Variants in COX4I2 observed in about 807,000 individuals in gnomAD.
COX4I2 encodes cytochrome c oxidase subunit 4 isoform 2, mitochondrial.
A neutral mutation model predicts 20.8 loss-of-function variants in COX4I2; 15 were observed. The observed-to-expected ratio is 0.72, with a 90% CI of 0.48 to 1.11. COX4I2 has a LOEUF of 1.11. COX4I2 is among the 50% of genes most tolerant of loss of function. The probability of loss-of-function intolerance (pLI) is 0.00; values close to 1 mark genes in which losing one functional copy is unlikely to be tolerated. For synonymous variants in COX4I2, 80 were observed against 78.1 expected, an observed-to-expected ratio of 1.02 and a Z score of -0.13; for missense variants, 224 against 223.0, an observed-to-expected ratio of 1.00 and a Z score of -0.03.
intron 3 of COX4I2, among the ~76,000 whole-genome samples, chr20:31,641,379 A>AAG (rs1401230472): frequency 4.6e-5 from 7 of 151,352 alleles, no homozygotes; most frequent in African/African-American, 1.7e-4. Flanking sequence ...AAAAAAAAAA[A>AAG]AGAGAGAGAG....
At chr20:31,644,710 C>A in intron 4 of COX4I2, 58 bp from the exon 5 acceptor site, 3 of 1,608,732 alleles carry the variant, frequency 1.9e-6, no homozygotes, top group Non-Finnish European at 1.7e-6. Context: ...TGGCTGGAGA[C>A]CCTGGCTGGT....
Position 31,642,565 on chromosome 20 carries a change from G to A in COX4I2, c.248-839G>A, listed in dbSNP as rs938160538. Among the ~76,000 whole-genome samples, 10 of 149,464 alleles carry A rather than the reference G, an allele frequency of 6.7e-5. No homozygotes were observed. In the East Asian group the frequency reaches 7.9e-4, roughly 12 times the overall value. On this transcript the variant is annotated intron_variant, in intron 3 of 4. Coordinates refer to ENST00000376075, the MANE Select transcript of COX4I2 (RefSeq NM_032609.3). Reference sequence around the variant, plus strand: ...CGCCATTCTCCTGCCTCAGCCTCTCGAGTAGCTGGGACTACAGGTGCCCGC... The same window carrying A: ...CGCCATTCTCCTGCCTCAGCCTCTCAAGTAGCTGGGACTACAGGTGCCCGC...
intron 3 of COX4I2, among the ~76,000 whole-genome samples, chr20:31,642,954 C>T (rs2060476696): frequency 1.3e-5 from 2 of 152,190 alleles, no homozygotes; most frequent in East Asian, 3.9e-4. Context: ...TGTGAACCGG[C>T]TCTGCCTCTC....
At chr20:31,638,675 G>T (rs1025526175) in intron 1 of COX4I2, among the ~76,000 whole-genome samples, 1 of 152,008 alleles carries the variant, frequency 6.6e-6, no homozygotes, top group Admixed American at 6.6e-5. Context: ...ACAAGTGAGC[G>T]GGGTTCTCCA....
At chr20:31,640,590 A>C (rs1430861584) in intron 3 of COX4I2, among the ~76,000 whole-genome samples, 1 of 151,894 alleles carries the variant, frequency 6.6e-6, no homozygotes, top group Non-Finnish European at 1.5e-5. Flanking sequence ...GGGAGATGGG[A>C]CAGAGAGAGG....
intron 4 of COX4I2, 43 bp downstream of exon 4, chr20:31,643,578 C>T: frequency 3.1e-6 from 5 of 1,612,512 alleles, no homozygotes; most frequent in African/African-American, 2.7e-5. Context: ...TGGGCCATGC[C>T]CTTGTGGTCA....
chr20:31,642,375 GATATTTATTTTC>G (rs2060472979), intron 3 of COX4I2, among the ~76,000 whole-genome samples: 1 of 149,450 alleles, frequency 6.7e-6, no homozygotes, highest in African/African-American at 2.5e-5. Flanking sequence ...TTTTCCTTTA[GATATTTATTTTC>G]ATATTTATTT....
chr20:31,639,954 C>T lies in COX4I2; in HGVS notation c.104C>T (p.Ser35Phe), dbSNP rs1277133437. Reference protein sequence around the residue: ...EGTTRGGGKMSPYTNCYAQRY... With the variant: ...EGTTRGGGKMFPYTNCYAQRY... ...GCAGCCCGTGGTGGGGGGAAGATGT[C>T]CCCCTACACCAACTGCTATGCCCAG... is the stretch of plus-strand genomic sequence containing the variant. Residue 35 changes from serine to phenylalanine, a missense_variant, in exon 3 of 5, where the codon TCC (serine) becomes TTC (phenylalanine). Transcript: ENST00000376075. 6.2e-7 allele frequency: 1 copy of T among 1,614,078 alleles called. No homozygotes were observed. The highest frequency in any genetic ancestry group is 1.1e-5 in the South Asian group (1 of 91,084).
chr20:31,644,875 G>A lies in COX4I2; in HGVS notation c.487G>A (p.Asp163Asn), dbSNP rs749496912. The change falls in exon 5 of 5, where the codon GAC becomes AAC. Residue 163 changes from aspartate to asparagine, a missense_variant. Transcript: ENST00000376075. ...TGTGCAGGGCCTGGCCTCCCGCTGG[G>A]ACTATGAGAAGAAGCAGTGGAAGAA... The part of the protein sequence containing the change: ...NPVQGLASRW[D>N]YEKKQWKK 4 of 1,614,054 alleles carry A rather than the reference G, an allele frequency of 2.5e-6. No individual in the cohort carries two copies. The highest frequency in any genetic ancestry group is 1.3e-5 in the African/African-American group (1 of 75,038).
At chr20:31,638,633 C>T (rs6120953) in intron 1 of COX4I2, among the ~76,000 whole-genome samples, 1 of 152,100 alleles carries the variant, frequency 6.6e-6, no homozygotes, top group Non-Finnish European at 1.5e-5. Context: ...CCCTCTCCAC[C>T]TGGACCCCAC....
intron 3 of COX4I2, among the ~76,000 whole-genome samples, chr20:31,642,890 A>G (rs1265422114): frequency 1.3e-5 from 2 of 152,032 alleles, no homozygotes; most frequent in East Asian, 3.9e-4. Flanking sequence ...CCCCCTCCCT[A>G]ATTCTGTTAG....
chr20:31,643,599 A>G, intron 4 of COX4I2, 64 bp downstream of exon 4: 1 of 1,600,890 alleles, frequency 6.2e-7, no homozygotes, highest in Non-Finnish European at 8.6e-7. Context: ...CGGCCACCAG[A>G]CAGTTTCTTA....
chr20:31,642,105 G>C (rs148692873), intron 3 of COX4I2, among the ~76,000 whole-genome samples: 1,850 of 152,018 alleles, frequency 0.012, 36 homozygotes, highest in African/African-American at 0.042. Flanking sequence ...CTCCTGCCTC[G>C]GCCTCCCAAA....
chr20:31,640,015 A>G lies in COX4I2; in HGVS notation c.165A>G (p.Thr55=). Residue 55 remains threonine (T), a synonymous_variant, in exon 3 of 5, where the codon ACA becomes ACG. Transcript: ENST00000376075. ...YYPMPEEPFC[T]ELNAEEQALK... ...CCATGCCAGAAGAGCCCTTCTGCAC[A>G]GAACTCAACGCTGAGGAGCAGGCCC... 6.2e-7 allele frequency: 1 copy of G among 1,614,048 alleles called. No homozygotes were observed. The highest frequency in any genetic ancestry group is 8.5e-7 in the Non-Finnish European group (1 of 1,180,008).
chr20:31,640,246 C>T (rs535700441), intron 3 of COX4I2, 149 bp downstream of exon 3: 3 of 811,080 alleles, frequency 3.7e-6, no homozygotes, highest in Non-Finnish European at 5.8e-6. Flanking sequence ...TGCCTTTGTT[C>T]GTTTCTTTAT....
At chr20:31,644,649 C>A in intron 4 of COX4I2, 119 bp from the exon 5 acceptor site, 1 of 1,174,242 alleles carries the variant, frequency 8.5e-7, no homozygotes, top group Non-Finnish European at 1.3e-6. Context: ...ATACTTCAAC[C>A]CTGGAGTATC....
chr20:31,639,894 A>C (rs1203101835), intron 2 of COX4I2, 39 bp from the exon 3 acceptor site: 1 of 1,612,764 alleles, frequency 6.2e-7, no homozygotes, highest in South Asian at 1.1e-5. Context: ...GGGTGTCCCA[A>C]GGGCAGCCTG....
intron 2 of COX4I2, 102 bp from the exon 3 acceptor site, chr20:31,639,831 C>T: frequency 1.5e-6 from 2 of 1,321,646 alleles, no homozygotes; most frequent in Non-Finnish European, 2.1e-6. Context: ...GCTAGGATTA[C>T]AGGCATGAGC....
intron 3 of COX4I2, among the ~76,000 whole-genome samples, chr20:31,641,455 C>T (rs892295649): frequency 6.6e-6 from 1 of 152,134 alleles, no homozygotes. Flanking sequence ...ATGTCCTGCA[C>T]GCTTACATGT....
Sources: gnomAD v4.1 joint callset for allele counts (sites outside exome capture counted in the v4.1 genomes callset) on GRCh38, gnomAD v4.1.1 for gene constraint, MANE v1.5 for transcripts, NCBI Gene and HGNC (gene_info 2026-07-23, HGNC 2026-07-21) for gene names.